Variants in PARP8 observed in about 807,000 individuals in gnomAD.
PARP8 encodes the protein poly(ADP-ribose) polymerase family member 8, also known as protein mono-ADP-ribosyltransferase PARP8.
A neutral mutation model predicts 124.1 loss-of-function variants in PARP8; 51 were observed. The ratio of observed to expected loss-of-function variants is 0.41; its 90% CI spans 0.33 to 0.52. The LOEUF is 0.52. Ranked by LOEUF, PARP8 falls within the 20% of genes least tolerant of loss-of-function variation. The pLI, the probability that PARP8 is intolerant of heterozygous loss-of-function variation, is 0.21. For missense variants in PARP8, 860 were observed against 1,018.9 expected (o/e 0.84, Z 2.12); for synonymous variants, 391 against 361.5 (o/e 1.08, Z -0.93).
chr5:50,738,335 A>G (rs1757685280), intron 2 of PARP8, among the ~76,000 whole-genome samples: 1 of 152,216 alleles, frequency 6.6e-6, no homozygotes, highest in Non-Finnish European at 1.5e-5. Flanking sequence ...TATGTAATGT[A>G]TAAATGTCTA....
chr5:50,721,082 G>A (rs1222768237), intron 2 of PARP8, among the ~76,000 whole-genome samples: 1 of 137,168 alleles, frequency 7.3e-6, no homozygotes, highest in South Asian at 2.4e-4. Context: ...TAAAATAATT[G>A]TTTTTTTTTT....
At chr5:50,721,079 ATTG>A (rs1180455644) in intron 2 of PARP8, among the ~76,000 whole-genome samples, 3 of 149,886 alleles carry the variant, frequency 2.0e-5, no homozygotes, top group Non-Finnish European at 3.0e-5. Flanking sequence ...AATTAAAATA[ATTG>A]TTTTTTTTTT....
chr5:50,689,018 AT>A (rs59463822), intron 2 of PARP8, among the ~76,000 whole-genome samples: 2,146 of 131,376 alleles, frequency 0.016, 37 homozygotes, highest in East Asian at 0.045. Context: ...ATATGAATGA[AT>A]TTTTTTTTTT....
intron 7 of PARP8, 106 bp from the exon 8 acceptor site, chr5:50,777,963 C>T: frequency 2.5e-6 from 2 of 803,486 alleles, no homozygotes; most frequent in East Asian, 2.7e-5. Flanking sequence ...TTGTCAAAAT[C>T]AAGGATGAGA....
intron 19 of PARP8, 22 bp downstream of exon 19, chr5:50,826,825 T>C (rs779315657): frequency 3.0e-5 from 46 of 1,548,432 alleles, no homozygotes; most frequent in South Asian, 3.6e-5. Context: ...TTTTTTTTTT[T>C]ACATATGCAT....
Position 50,719,427 on chromosome 5 carries a change from A to C in PARP8, c.147-30724A>C, listed in dbSNP as rs1755652693. ...AGAACAATGTTCTGGAGTGTTTCTC[A>C]GTGTTTTCTTCTAGTAGTTTCATAG... On this transcript the variant is annotated intron_variant, in intron 2 of 25. Transcript: ENST00000281631. Among the ~76,000 whole-genome samples, 3 of 151,900 alleles carry C rather than the reference A, an allele frequency of 2.0e-5. No individual in the cohort carries two copies. In the South Asian group the frequency reaches 6.2e-4, roughly 31 times the overall value.
At chr5:50,834,139 G>C in intron 24 of PARP8, 91 bp downstream of exon 24, 1 of 1,027,784 alleles carries the variant, frequency 9.7e-7, no homozygotes, top group South Asian at 1.5e-5. Flanking sequence ...GCTTACGGTG[G>C]AATAGGGAAA....
intron 2 of PARP8, among the ~76,000 whole-genome samples, chr5:50,728,156 A>C (rs1034859377): frequency 6.6e-6 from 1 of 152,176 alleles, no homozygotes; most frequent in African/African-American, 2.4e-5. Flanking sequence ...TTCTAGGTAG[A>C]AGTAAATGAT....
intron 2 of PARP8, among the ~76,000 whole-genome samples, chr5:50,706,056 T>C (rs1754115529): frequency 6.6e-6 from 1 of 152,154 alleles, no homozygotes; most frequent in Non-Finnish European, 1.5e-5. Context: ...TGCTTAACAA[T>C]TGCTTTCTAA....
intron 25 of PARP8, among the ~76,000 whole-genome samples, chr5:50,836,429 T>C (rs1747589961): frequency 6.6e-6 from 1 of 152,164 alleles, no homozygotes; most frequent in African/African-American, 2.4e-5. Flanking sequence ...GGTATGATTA[T>C]AAGGAAACCG....
intron 2 of PARP8, among the ~76,000 whole-genome samples, chr5:50,748,927 T>C (rs1758914980): frequency 6.6e-6 from 1 of 152,212 alleles, no homozygotes; most frequent in Non-Finnish European, 1.5e-5. Context: ...TTATTCTTTC[T>C]TTCTTCAGCC....
At chr5:50,692,522 G>A (rs895796988) in intron 2 of PARP8, among the ~76,000 whole-genome samples, 2 of 151,892 alleles carry the variant, frequency 1.3e-5, no homozygotes, top group African/African-American at 4.8e-5. Context: ...TCTTAGCACA[G>A]TGTTTTTTTT....
chr5:50,705,590 G>A (rs1754052023), intron 2 of PARP8, among the ~76,000 whole-genome samples: 1 of 152,146 alleles, frequency 6.6e-6, no homozygotes, highest in African/African-American at 2.4e-5. Context: ...TTTGAGACCA[G>A]CCTGGCCAAT....
intron 22 of PARP8, among the ~76,000 whole-genome samples, chr5:50,831,391 G>GAGAC (rs1746966650): frequency 6.6e-6 from 1 of 152,096 alleles, no homozygotes; most frequent in Admixed American, 6.6e-5. Context: ...TGGCAGGCCT[G>GAGAC]AGACAGCCTG....
chr5:50,785,868 C>G (rs1403586571), intron 9 of PARP8, among the ~76,000 whole-genome samples: 9 of 152,108 alleles, frequency 5.9e-5, no homozygotes, highest in Admixed American at 4.6e-4. Context: ...GCTGCCCCAC[C>G]TGTTGCTGTG....
At chr5:50,805,917 A>T (rs1295483071) in intron 14 of PARP8, among the ~76,000 whole-genome samples, 1 of 152,036 alleles carries the variant, frequency 6.6e-6, no homozygotes, top group African/African-American at 2.4e-5. Context: ...ATGTGTCCTT[A>T]TGAGAATAGG....
intron 14 of PARP8, among the ~76,000 whole-genome samples, chr5:50,800,646 T>C (rs1225408504): frequency 6.6e-6 from 1 of 152,174 alleles, no homozygotes; most frequent in Non-Finnish European, 1.5e-5. Context: ...TTTGTTTTTC[T>C]ATGTCTCTTG....
At chr5:50,835,058 C>A in intron 25 of PARP8, 43 bp downstream of exon 25, 1 of 1,537,932 alleles carries the variant, frequency 6.5e-7, no homozygotes, top group Non-Finnish European at 9.0e-7. Flanking sequence ...GTCTTTGCCA[C>A]AAATGGGTTA....
intron 14 of PARP8, among the ~76,000 whole-genome samples, chr5:50,802,524 T>C (rs942235730): frequency 1.3e-5 from 2 of 152,150 alleles, no homozygotes; most frequent in African/African-American, 4.8e-5. Flanking sequence ...GGTTTCACTA[T>C]GTTGAGCAGG....
Sources: gnomAD v4.1 joint callset for allele counts (sites outside exome capture counted in the v4.1 genomes callset) on GRCh38, gnomAD v4.1.1 for gene constraint, MANE v1.5 for transcripts, NCBI Gene and HGNC (gene_info 2026-07-23, HGNC 2026-07-21) for gene names.